WFDC2: variants seen among roughly 807,000 people sequenced by gnomAD.
WFDC2 encodes the protein WAP four-disulfide core domain protein 2.
A neutral mutation model predicts 12.5 loss-of-function variants in WFDC2; 8 were observed. That is an observed-to-expected ratio of 0.64 (90% CI 0.37 to 1.15). The LOEUF (loss-of-function observed/expected upper bound fraction) is 1.15. Ranked by LOEUF, WFDC2 falls within the 50% of genes most tolerant of loss-of-function variation. The probability of loss-of-function intolerance (pLI) is 0.01; values close to 1 mark genes in which losing one functional copy is unlikely to be tolerated. For synonymous variants in WFDC2, 74 were observed against 67.2 expected (o/e 1.10, Z -0.49); for missense variants, 166 against 159.9 (o/e 1.04, Z -0.21).
chr20:45,469,897 G>A (rs1393728579), intron 1 of WFDC2, 37 bp downstream of exon 1: 4 of 1,570,096 alleles, frequency 2.5e-6, no homozygotes, highest in Admixed American at 1.9e-5. Context: ...GCCTAGAGGG[G>A]CCGAGCCACG....
rs1324939230 is a variant in WFDC2 at position 45,470,449 on chromosome 20, A to G, written c.140A>G (p.Gln47Arg). Residue 47 changes from glutamine (Q) to arginine (R), a missense_variant, in exon 2 of 4, where the codon CAA (glutamine) becomes CGA (arginine). Physicochemically the swap from Gln to Arg is conservative, Grantham distance 43 (BLOSUM62 1). Coordinates refer to ENST00000372676, the MANE Select transcript of WFDC2 (RefSeq NM_006103.4). The surrounding 1 kb of genome is among the most constrained non-coding windows in gnomAD (Gnocchi z 5.4). ...CTCCAGGCTGACCAGAACTGCACGC[A>G]AGAGTGCGTCTCGGACAGCGAATGC... is the stretch of plus-strand genomic sequence containing the variant. ...PELQADQNCT[Q>R]ECVSDSECAD... is the part of the protein sequence containing the mutation. 4 of 1,595,526 alleles carry G rather than the reference A, an allele frequency of 2.5e-6. No homozygotes were observed. The highest frequency in any genetic ancestry group is 3.4e-6 in the Non-Finnish European group (4 of 1,170,410).
Position 45,470,270 on chromosome 20 carries a change from G to A in WFDC2, c.80-119G>A. On this transcript the variant is annotated intron_variant, in intron 1 of 3. Transcript: ENST00000372676. This position sits in a 1 kb window ranked among gnomAD's most constrained non-coding sequence, Gnocchi z 5.4. Reference sequence around the variant, plus strand: ...AGAAGGAGTCTCTGGGGGCTGTAAGGGGACTCCTAGGGCCAGAGACTGAGA... The same window carrying A: ...AGAAGGAGTCTCTGGGGGCTGTAAGAGGACTCCTAGGGCCAGAGACTGAGA... The A allele has an allele frequency of 7.3e-7, 1 of 1,374,994 alleles. No individual in the cohort carries two copies. Among genetic ancestry groups the A allele is most frequent in the Non-Finnish European group, 9.6e-7 (1 of 1,037,482 alleles). 85.2% of individuals were successfully genotyped at this position (1,374,994 alleles called of 1,614,324 possible). A position where few individuals can be genotyped will look rare whatever the true frequency, so the allele number is the denominator to read the frequency against.
At position 45,470,953 on chromosome 20, in the gene WFDC2, C is replaced by A. The variant is rs1180587610; in HGVS notation, c.223+421C>A. ...GGCCTCCCCCAGCCCTGGGGAAAGA[C>A]TGGGAGAGCCTGGCCTGGCAAGATT... is the stretch of plus-strand genomic sequence containing the variant. On this transcript the variant is annotated intron_variant, in intron 2 of 3. Transcript: ENST00000372676. The surrounding 1 kb of genome is among the most constrained non-coding windows in gnomAD (Gnocchi z 5.4). 1.3e-5 allele frequency among the ~76,000 whole-genome samples: 2 copies of A among 152,212 alleles called. No individual in the cohort carries two copies. Among genetic ancestry groups the A allele is most frequent in the Non-Finnish European group, 2.9e-5 (2 of 68,024 alleles).
intron 2 of WFDC2, among the ~76,000 whole-genome samples, chr20:45,472,807 A>G (rs1037451604): frequency 1.3e-5 from 2 of 152,244 alleles, no homozygotes; most frequent in Non-Finnish European, 2.9e-5. Context: ...CACTCCCACG[A>G]ACAGTGTAAA....
intron 2 of WFDC2, among the ~76,000 whole-genome samples, chr20:45,478,296 A>G (rs1427498382): frequency 6.6e-6 from 1 of 152,054 alleles, no homozygotes; most frequent in East Asian, 1.9e-4. Context: ...TGGTGTAGGC[A>G]CCCAAAGGAA....
At chr20:45,478,525 G>A (rs1165198525) in intron 2 of WFDC2, among the ~76,000 whole-genome samples, 3 of 152,122 alleles carry the variant, frequency 2.0e-5, no homozygotes, top group East Asian at 1.9e-4. Flanking sequence ...GATGAGCCAC[G>A]TACCTCATTT....
chr20:45,470,490 T>C lies in WFDC2; in HGVS notation c.181T>C (p.Cys61Arg), dbSNP rs1991154889. The C allele has an allele frequency of 1.9e-6, 3 of 1,598,778 alleles. No homozygotes were observed. In the African/African-American group the frequency reaches 4.0e-5, roughly 21 times the overall value. Residue 61 changes from cysteine (C) to arginine (R), a missense_variant, in exon 2 of 4, where the codon TGC (cysteine) becomes CGC (arginine). By Grantham distance (180) the Cys-to-Arg change is radical. Transcript: ENST00000372676. This position sits in a 1 kb window ranked among gnomAD's most constrained non-coding sequence, Gnocchi z 5.4. ...CAGCGAATGCGCCGACAACCTCAAGTGCTGCAGCGCGGGCTGTGCCACCTT... is the reference window on the plus strand; with the variant it reads ...CAGCGAATGCGCCGACAACCTCAAGCGCTGCAGCGCGGGCTGTGCCACCTT... ...SDSECADNLK[C>R]CSAGCATFCS...
At position 45,470,399 on chromosome 20, in the gene WFDC2, A is replaced by C. The variant is rs1397199182; in HGVS notation, c.90A>C (p.Ala30=). Residue 30 remains alanine, a synonymous_variant, in exon 2 of 4, where the codon GCA becomes GCC. Coordinates refer to ENST00000372676, the MANE Select transcript of WFDC2 (RefSeq NM_006103.4). The surrounding 1 kb of genome is among the most constrained non-coding windows in gnomAD (Gnocchi z 5.4). Reference sequence around the variant, plus strand: ...GGCCTCCCCTCCCAGGCACAGGAGCAGAGAAGACTGGCGTGTGCCCCGAGC... The same window carrying C: ...GGCCTCCCCTCCCAGGCACAGGAGCCGAGAAGACTGGCGTGTGCCCCGAGC... ...FGFTLVSGTG[A]EKTGVCPELQ... 5 of 1,588,394 alleles carry C rather than the reference A, an allele frequency of 3.1e-6. No individual in the cohort carries two copies. In the South Asian group the frequency reaches 4.6e-5, roughly 15 times the overall value.
intron 2 of WFDC2, among the ~76,000 whole-genome samples, chr20:45,473,655 T>C (rs1991199369): frequency 6.6e-6 from 1 of 152,224 alleles, no homozygotes; most frequent in African/African-American, 2.4e-5. Context: ...AGGATTGTCT[T>C]GGCTATGTGG....
chr20:45,479,848 C>G, intron 2 of WFDC2, 94 bp from the exon 3 acceptor site: 1 of 1,613,890 alleles, frequency 6.2e-7, no homozygotes, highest in East Asian at 2.2e-5. Context: ...TATGTGAAGC[C>G]CAGTGAGGGG....
chr20:45,469,788 G>C lies in WFDC2; in HGVS notation c.7G>C (p.Ala3Pro). 6.2e-7 allele frequency: 1 copy of C among 1,608,984 alleles called. No individual in the cohort carries two copies. Among genetic ancestry groups the C allele is most frequent in the Non-Finnish European group, 8.5e-7 (1 of 1,178,028 alleles). Reference protein sequence around the residue: MPACRLGPLAAAL... With the variant: MPPCRLGPLAAAL... ...CCCGCCCGGGCATAGCACCATGCCT[G>C]CTTGTCGCCTAGGCCCGCTAGCCGC... Residue 3 changes from alanine (A) to proline (P), a missense_variant, in exon 1 of 4, where the codon GCT (alanine) becomes CCT (proline). By Grantham distance (27) the Ala-to-Pro change is conservative (BLOSUM62 -1). Transcript: ENST00000372676.
intron 2 of WFDC2, among the ~76,000 whole-genome samples, chr20:45,475,993 G>A (rs1991227977): frequency 6.6e-6 from 1 of 152,038 alleles, no homozygotes; most frequent in African/African-American, 2.4e-5. Flanking sequence ...GAATAGAATT[G>A]CAACCCCTGA....
chr20:45,475,915 T>C (rs1991227235), intron 2 of WFDC2, among the ~76,000 whole-genome samples: 1 of 152,250 alleles, frequency 6.6e-6, no homozygotes, highest in Non-Finnish European at 1.5e-5. Flanking sequence ...CATTGATCCC[T>C]TTACCATTGT....
intron 2 of WFDC2, chr20:45,471,101 G>T: frequency 2.1e-6 from 1 of 470,706 alleles, no homozygotes. Flanking sequence ...AGGTCACACC[G>T]CCATCCCATG....
intron 2 of WFDC2, among the ~76,000 whole-genome samples, chr20:45,473,455 C>T (rs1267814035): frequency 1.3e-5 from 2 of 152,188 alleles, no homozygotes; most frequent in South Asian, 4.1e-4. Flanking sequence ...TTCCCCATTG[C>T]TTGTTTTTGC....
chr20:45,480,730 G>A (rs1294570175), intron 3 of WFDC2, among the ~76,000 whole-genome samples: 1 of 152,224 alleles, frequency 6.6e-6, no homozygotes, highest in African/African-American at 2.4e-5. Flanking sequence ...GAAGATAACT[G>A]ATAGAATCCA....
intron 3 of WFDC2, among the ~76,000 whole-genome samples, chr20:45,480,846 G>A (rs964309325): frequency 2.0e-5 from 3 of 152,138 alleles, no homozygotes. Context: ...CTGGAGCCAG[G>A]GCTCTCAGAT....
chr20:45,477,482 G>A (rs1317762299), intron 2 of WFDC2, among the ~76,000 whole-genome samples: 1 of 151,170 alleles, frequency 6.6e-6, no homozygotes, highest in African/African-American at 2.4e-5. Context: ...GACCCTGTTT[G>A]CCTGGCTATC....
rs985660075 is a variant in WFDC2 at position 45,481,126 on chromosome 20, G to A, written c.*2-245G>A. Reference sequence around the variant, plus strand: ...ACATCTGGGACCACAGTATACCCAGGTGCCTGCTAGGGATGGTCTGACCAC... The same window carrying A: ...ACATCTGGGACCACAGTATACCCAGATGCCTGCTAGGGATGGTCTGACCAC... On this transcript the variant is annotated intron_variant, in intron 3 of 3. Transcript: ENST00000372676. Among the ~76,000 whole-genome samples the A allele has an allele frequency of 3.9e-5, 6 of 152,192 alleles. No homozygotes were observed. The East Asian group carries it at 7.7e-4, about 20-fold the overall frequency.
Sources: allele counts gnomAD v4.1 joint callset (sites outside exome capture counted in the v4.1 genomes callset), GRCh38; gene constraint gnomAD v4.1.1; non-coding constraint Gnocchi (gnomAD v3.1); transcripts MANE v1.5; gene names NCBI Gene and HGNC (gene_info 2026-07-23, HGNC 2026-07-21).